FBXO11: variants seen among roughly 807,000 people sequenced by gnomAD.
The protein encoded by FBXO11 is F-box protein 11.
Under a neutral mutation model 117.0 loss-of-function variants are expected in FBXO11, and 13 were observed. That is an observed-to-expected ratio of 0.11 (90% confidence interval 0.07 to 0.18). The LOEUF (loss-of-function observed/expected upper bound fraction) is 0.18. FBXO11 is among the 10% of genes least tolerant of loss of function. The pLI is 1.00. For missense variants in FBXO11, 767 were observed against 1,164.4 expected (o/e 0.66, Z 4.97); for synonymous variants, 490 against 380.5 (o/e 1.29, Z -3.35).
chr2:47,855,170 T>C (rs757968386), intron 1 of FBXO11, among the ~76,000 whole-genome samples: 1 of 152,042 alleles, frequency 6.6e-6, no homozygotes, highest in Non-Finnish European at 1.5e-5. Flanking sequence ...AATTAAAAAT[T>C]TGGGGGAAAA....
chr2:47,905,112 A>G (rs980764055), intron 1 of FBXO11: 1 of 161,578 alleles, frequency 6.2e-6, no homozygotes. Flanking sequence ...GAGGCAGACT[A>G]AACCATGGAA....
chr2:47,895,574 A>G (rs1338372974), intron 1 of FBXO11, among the ~76,000 whole-genome samples: 1 of 152,228 alleles, frequency 6.6e-6, no homozygotes, highest in Non-Finnish European at 1.5e-5. Flanking sequence ...TTTTGGTTAC[A>G]CAGATGTGTT....
At chr2:47,820,544 T>TA (rs1205200896) in intron 13 of FBXO11, 88 bp from the exon 14 acceptor site, 5 of 952,924 alleles carry the variant, frequency 5.2e-6, no homozygotes, top group Non-Finnish European at 7.9e-6. Flanking sequence ...TTAAAATTCT[T>TA]ACACTAGAAT....
intron 1 of FBXO11, among the ~76,000 whole-genome samples, chr2:47,863,009 C>G (rs924620177): frequency 6.0e-5 from 9 of 149,458 alleles, no homozygotes; most frequent in Admixed American, 2.0e-4. Context: ...GAGCTGAGAT[C>G]GCGCCATCAC....
At chr2:47,815,757 AGGT>A (rs1428935609) in intron 16 of FBXO11, among the ~76,000 whole-genome samples, 2 of 152,200 alleles carry the variant, frequency 1.3e-5, no homozygotes, top group African/African-American at 4.8e-5. Context: ...CCCAGATGTA[AGGT>A]TAGCGAGAGT....
At chr2:47,894,536 C>T (rs1279375555) in intron 1 of FBXO11, among the ~76,000 whole-genome samples, 2 of 152,086 alleles carry the variant, frequency 1.3e-5, no homozygotes, top group African/African-American at 4.8e-5. Flanking sequence ...ATATTAAAGT[C>T]CACAGTATTT....
Position 47,833,053 on chromosome 2 carries a change from C to T in FBXO11, c.952G>A (p.Asp318Asn). 6.2e-7 allele frequency: 1 copy of T among 1,612,682 alleles called. No individual in the cohort carries two copies. The highest frequency in any genetic ancestry group is 8.5e-7 in the Non-Finnish European group (1 of 1,179,096). ...MIGAAPGKVADKVIIENTRDS... is the reference protein window; with the variant it reads ...MIGAAPGKVANKVIIENTRDS... ...CTAGTGTTTTCAATTATAACTTTGT[C>T]TGCCACTTTCCCAGGTGCTGTGGAG... is the stretch of plus-strand genomic sequence containing the variant. The change falls in exon 8 of 23, where the codon GAC becomes AAC. Residue 318 changes from aspartate (D) to asparagine (N), a missense_variant. By Grantham distance (23) the Asp-to-Asn change is conservative. Around this residue, in one of 10 missense-constraint regions of FBXO11, gnomAD observed 123 missense variants for 145.0 expected, o/e 0.85. Transcript: ENST00000403359.
chr2:47,809,335 GATT>G (rs1279245375), intron 20 of FBXO11, 69 bp from the exon 21 acceptor site: 19 of 1,021,092 alleles, frequency 1.9e-5, no homozygotes, highest in Admixed American at 9.9e-5. Flanking sequence ...AAGATTATAG[GATT>G]ATTCTAACAG....
Position 47,870,625 on chromosome 2 carries a change from T to G in FBXO11, c.233-30856A>C, listed in dbSNP as rs572259511. On this transcript the variant is annotated intron_variant, in intron 1 of 22. Transcript: ENST00000403359. Reference sequence around the variant, plus strand: ...TAATCTACAAATAGGCAAGGAAAGATTCTACCCAGATTCTCAAAGAATCAT... The same window carrying G: ...TAATCTACAAATAGGCAAGGAAAGAGTCTACCCAGATTCTCAAAGAATCAT... Among the ~76,000 whole-genome samples the G allele has an allele frequency of 7.9e-5, 12 of 152,322 alleles. No homozygotes were observed. The East Asian group carries it at 2.1e-3, about 27-fold the overall frequency.
chr2:47,823,668 G>A (rs1286351585), intron 11 of FBXO11, among the ~76,000 whole-genome samples: 1 of 151,966 alleles, frequency 6.6e-6, no homozygotes, highest in African/African-American at 2.4e-5. Context: ...CAGGAGAACT[G>A]CTTGAACCCG....
In FBXO11 at chr2:47,813,184, A is replaced by G; in HGVS notation, c.2227+50T>C. 4.5e-6 allele frequency: 7 copies of G among 1,553,474 alleles called. No homozygotes were observed. The East Asian group carries it at 1.6e-4, about 35-fold the overall frequency. On this transcript the variant is annotated intron_variant, in intron 18 of 22. Coordinates refer to ENST00000403359, the MANE Select transcript of FBXO11 (RefSeq NM_001190274.2). ...TGTCATTGATCATTAAAGATATGGAAGAATAATGGAAAACTGGATTTTTCA... is the reference window on the plus strand; with the variant it reads ...TGTCATTGATCATTAAAGATATGGAGGAATAATGGAAAACTGGATTTTTCA...
At chr2:47,855,793 T>C (rs955192067) in intron 1 of FBXO11, among the ~76,000 whole-genome samples, 5 of 149,662 alleles carry the variant, frequency 3.3e-5, no homozygotes, top group East Asian at 3.9e-4. Flanking sequence ...GATTGTGCCA[T>C]GGCACTCCAG....
intron 1 of FBXO11, among the ~76,000 whole-genome samples, chr2:47,889,449 T>C (rs1176639716): frequency 6.6e-6 from 1 of 152,226 alleles, no homozygotes; most frequent in African/African-American, 2.4e-5. Flanking sequence ...ACACTTGTTT[T>C]CTCTTGGTTT....
intron 19 of FBXO11, 159 bp downstream of exon 19, chr2:47,810,156 GA>G (rs1670517059): frequency 1.8e-6 from 1 of 565,558 alleles, no homozygotes; most frequent in Non-Finnish European, 3.1e-6. Flanking sequence ...GAAGAATCCA[GA>G]ACTTGATTAG....
intron 1 of FBXO11, chr2:47,888,701 C>G: frequency 1.0e-6 from 1 of 979,074 alleles, no homozygotes; most frequent in Non-Finnish European, 1.2e-6. Flanking sequence ...CAATGTTTTA[C>G]AAATCTTATT....
At chr2:47,830,109 G>T (rs564892310) in intron 11 of FBXO11, among the ~76,000 whole-genome samples, 1 of 151,996 alleles carries the variant, frequency 6.6e-6, no homozygotes, top group African/African-American at 2.4e-5. Context: ...AGTTTCTAAA[G>T]AAAGGAACAT....
Position 47,807,319 on chromosome 2 carries a change from T to G in FBXO11, c.*799A>C. On this transcript the variant is annotated 3_prime_UTR_variant, in exon 23 of 23. Coordinates refer to ENST00000403359, the MANE Select transcript of FBXO11 (RefSeq NM_001190274.2). ...AGTAGTTTTTTACCTTTCACAAAAC[T>G]GAGTTACAAGAATACTTTTGTTTTA... The G allele has an allele frequency of 4.7e-6, 1 of 214,816 alleles. No homozygotes were observed. Among genetic ancestry groups the G allele is most frequent in the Non-Finnish European group, 9.4e-6 (1 of 106,376 alleles). The allele number at this position is 214,816 out of a possible 1,614,324, so 13.3% of individuals were successfully genotyped here. A position where few individuals can be genotyped will look rare whatever the true frequency, so the allele number is the denominator to read the frequency against.
intron 16 of FBXO11, among the ~76,000 whole-genome samples, chr2:47,815,451 T>C (rs1182992877): frequency 4.6e-5 from 7 of 152,072 alleles, no homozygotes; most frequent in East Asian, 3.9e-4. Context: ...GGGACTCAAT[T>C]TGGGGGAGAA....
At chr2:47,831,092 C>T (rs1180698024) in intron 11 of FBXO11, among the ~76,000 whole-genome samples, 4 of 151,734 alleles carry the variant, frequency 2.6e-5, no homozygotes, top group Non-Finnish European at 5.9e-5. Flanking sequence ...AGCCACTGCA[C>T]CCGGCCATGG....
Sources: gnomAD v4.1 joint callset for allele counts (sites outside exome capture counted in the v4.1 genomes callset) on GRCh38, gnomAD v4.1.1 for gene constraint, gnomAD v4.1.1 regional missense constraint, MANE v1.5 for transcripts, NCBI Gene and HGNC (gene_info 2026-07-23, HGNC 2026-07-21) for gene names.